The following SH3PXD2B variants were observed in gnomAD, a reference collection of about 807,000 sequenced individuals.
The protein encoded by SH3PXD2B is SH3 and PX domains 2B, also known as SH3 and PX domain-containing protein 2B.
SH3PXD2B carries 37 observed loss-of-function variants against 73.1 expected under a neutral mutation model. The ratio of observed to expected loss-of-function variants is 0.51; its 90% confidence interval spans 0.39 to 0.67. SH3PXD2B has a LOEUF of 0.67. Among genes scored for constraint, SH3PXD2B ranks in the 30% least tolerant of loss-of-function variants. The pLI, the probability that SH3PXD2B is intolerant of heterozygous loss-of-function variation, is 0.00. For synonymous variants in SH3PXD2B, 457 were observed against 480.5 expected, an observed-to-expected ratio of 0.95 and a Z score of 0.64; for missense variants, 1,053 against 1,197.8, an observed-to-expected ratio of 0.88 and a Z score of 1.78.
chr5:172,359,666 G>GA (rs1423618407), intron 7 of SH3PXD2B, among the ~76,000 whole-genome samples: 1 of 152,128 alleles, frequency 6.6e-6, no homozygotes, highest in African/African-American at 2.4e-5. Context: ...TCCCCAATGA[G>GA]AAAGGCCTGC....
intron 1 of SH3PXD2B, among the ~76,000 whole-genome samples, chr5:172,435,334 G>A (rs964721255): frequency 6.6e-6 from 1 of 152,212 alleles, no homozygotes; most frequent in Non-Finnish European, 1.5e-5. Flanking sequence ...TTGTGGATAT[G>A]TCAAAAATTA....
In SH3PXD2B at chr5:172,339,036, C is replaced by T; in HGVS notation, c.2069G>A (p.Gly690Glu). Residue 690 changes from glycine (G) to glutamate (E), a missense_variant, in exon 13 of 13, where the codon GGG becomes GAG. Physicochemically the swap from Gly to Glu is moderately conservative, Grantham distance 98. This residue lies in a region of SH3PXD2B where 587 missense variants were observed against 590.7 expected (regional missense o/e 0.99). Coordinates refer to ENST00000311601, the MANE Select transcript of SH3PXD2B (RefSeq NM_001017995.3). This position sits in a 1 kb window ranked among gnomAD's most constrained non-coding sequence, Gnocchi z 6.1. The part of the protein sequence containing the change: ...LLDGEGPQAV[G>E]GQDVAFSRSF... ...TCGGCTGAAGGCCACGTCTTGGCCC[C>T]CTACTGCCTGGGGGCCCTCCCCATC... 2 of 1,614,198 alleles carry T rather than the reference C, an allele frequency of 1.2e-6. No homozygotes were observed. The highest frequency in any genetic ancestry group is 2.2e-5 in the South Asian group (2 of 91,092).
chr5:172,436,215 C>G (rs983160874), intron 1 of SH3PXD2B, among the ~76,000 whole-genome samples: 5 of 152,252 alleles, frequency 3.3e-5, no homozygotes, highest in Admixed American at 6.5e-5. Flanking sequence ...CTCAGGCCAG[C>G]AGTGAAACTG....
At position 172,338,819 on chromosome 5, in the gene SH3PXD2B, T is replaced by C. The variant is rs758212931; in HGVS notation, c.2286A>G (p.Pro762=). 8 of 1,613,324 alleles carry C rather than the reference T, an allele frequency of 5.0e-6. No homozygotes were observed. Among genetic ancestry groups the C allele is most frequent in the Admixed American group, 1.7e-5 (1 of 59,906 alleles). The change falls in exon 13 of 13, where the codon CCA becomes CCG. Residue 762 remains proline, a synonymous_variant. Transcript: ENST00000311601. The surrounding 1 kb of genome is among the most constrained non-coding windows in gnomAD (Gnocchi z 5.1). The part of the protein sequence containing the change: ...QQRPVVPPRR[P]PPPKKTSSSS... ...ACGAAGAGGTTTTCTTTGGGGGAGG[T>C]GGTCTGCGGGGTGGGACCACAGGTC...
Position 172,337,747 on chromosome 5 carries a change from T to C in SH3PXD2B, c.*622A>G. The C allele has an allele frequency of 3.0e-6, 3 of 994,944 alleles. No homozygotes were observed. The highest frequency in any genetic ancestry group is 3.6e-6 in the Non-Finnish European group (3 of 835,484). 61.6% of individuals were successfully genotyped at this position (994,944 alleles called of 1,614,324 possible). A position where few individuals can be genotyped will look rare whatever the true frequency, so the allele number is the denominator to read the frequency against. On this transcript the variant is annotated 3_prime_UTR_variant, in exon 13 of 13. Transcript: ENST00000311601. ...GGGAGGCAGGGCGGCTGAGCGGATC[T>C]CCAGGCCCACTCCTGGGGGAGCCGC...
Position 172,327,348 on chromosome 5 carries a change from C to G in SH3PXD2B, c.1189-1968G>C, listed in dbSNP as rs186674558. 7.2e-3 allele frequency among the ~76,000 whole-genome samples: 1,104 copies of G among 152,276 alleles called. 5 individuals are homozygous for G. The highest frequency in any genetic ancestry group is 0.02 in the Middle Eastern group (6 of 294). Reference sequence around the variant, plus strand: ...CGTTTTCGAAAGGTAAAATGCATGTCAGAGCCAGAACTCAAACCCAGGTCT... The same window carrying G: ...CGTTTTCGAAAGGTAAAATGCATGTGAGAGCCAGAACTCAAACCCAGGTCT... On this transcript the variant is annotated intron_variant, in intron 12 of 12. Transcript: ENST00000519643.
Position 172,335,932 on chromosome 5 carries a change from A to G in SH3PXD2B, c.*2437T>C. On this transcript the variant is annotated 3_prime_UTR_variant, in exon 13 of 13. Coordinates refer to ENST00000311601, the MANE Select transcript of SH3PXD2B (RefSeq NM_001017995.3). ...ATGTCAGAATAATCATCATCATCATAGCAAAAGAGAATGGCAGATTCTTTC... is the reference window on the plus strand; with the variant it reads ...ATGTCAGAATAATCATCATCATCATGGCAAAAGAGAATGGCAGATTCTTTC... 2.6e-6 allele frequency: 3 copies of G among 1,160,898 alleles called. No individual in the cohort carries two copies. The highest frequency in any genetic ancestry group is 3.2e-6 in the Non-Finnish European group (3 of 943,636). The allele number at this position is 1,160,898 out of a possible 1,614,324, so 71.9% of individuals were successfully genotyped here.
At chr5:172,433,569 T>G (rs1759301781) in intron 1 of SH3PXD2B, among the ~76,000 whole-genome samples, 1 of 152,186 alleles carries the variant, frequency 6.6e-6, no homozygotes, top group Non-Finnish European at 1.5e-5. Flanking sequence ...TTACCCTGGC[T>G]CAGTCCTAGG....
At chr5:172,416,741 C>T (rs1758836230) in intron 2 of SH3PXD2B, among the ~76,000 whole-genome samples, 1 of 105,644 alleles carries the variant, frequency 9.5e-6, no homozygotes. Context: ...TAGGGTCTTG[C>T]TCTGTTGCCT....
chr5:172,368,630 A>ATGTTATATATATAAC (rs1554137059), intron 6 of SH3PXD2B, among the ~76,000 whole-genome samples: 1 of 11,554 alleles, frequency 8.7e-5, no homozygotes, highest in Non-Finnish European at 1.2e-4. Flanking sequence ...ATATATATAT[A>ATGTTATATATATAAC]ATATATATGT....
chr5:172,435,884 CTG>C (rs1211542313), intron 1 of SH3PXD2B, among the ~76,000 whole-genome samples: 7 of 152,168 alleles, frequency 4.6e-5, no homozygotes, highest in African/African-American at 1.7e-4. Context: ...CTTGCAGGGG[CTG>C]TGAGAAAGCA....
rs1554087686 is a variant in SH3PXD2B at position 172,439,690 on chromosome 5, G to GTGCACA, written c.75+14587_75+14588insTGTGCA. On this transcript the variant is annotated intron_variant, in intron 1 of 12. Transcript: ENST00000311601. ...TGTGTGCGTGCGTGCGCGCACGCGC[G>GTGCACA]CGCACACACACACACACACACACAC... Among the ~76,000 whole-genome samples the GTGCACA allele has an allele frequency of 2.9e-4, 33 of 113,232 alleles. No homozygotes were observed. In the East Asian group the frequency reaches 3.9e-3, roughly 13 times the overall value. 74.3% of individuals were successfully genotyped at this position (113,232 alleles called of 152,430 possible).
intron 1 of SH3PXD2B, among the ~76,000 whole-genome samples, chr5:172,432,521 C>G (rs763864590): frequency 6.6e-6 from 1 of 152,180 alleles, no homozygotes; most frequent in Non-Finnish European, 1.5e-5. Flanking sequence ...CCGCTCTGCA[C>G]GTGCCCATGT....
intron 4 of SH3PXD2B, among the ~76,000 whole-genome samples, chr5:172,392,098 A>G (rs1339252626): frequency 6.7e-6 from 1 of 148,968 alleles, no homozygotes; most frequent in Non-Finnish European, 1.5e-5. Flanking sequence ...TTTGCTCTCC[A>G]CCCCCTATTT....
At chr5:172,439,724 A>G (rs1163649100) in intron 1 of SH3PXD2B, among the ~76,000 whole-genome samples, 4 of 149,722 alleles carry the variant, frequency 2.7e-5, no homozygotes, top group Non-Finnish European at 5.9e-5. Flanking sequence ...ACACACACAC[A>G]CACACACAGC....
chr5:172,376,395 C>T (rs1158730977), intron 5 of SH3PXD2B, among the ~76,000 whole-genome samples: 1 of 152,150 alleles, frequency 6.6e-6, no homozygotes, highest in East Asian at 1.9e-4. Flanking sequence ...TTCACTGTAG[C>T]TTGGATTTGC....
At chr5:172,374,266 G>C (rs1260727033) in intron 5 of SH3PXD2B, among the ~76,000 whole-genome samples, 2 of 152,194 alleles carry the variant, frequency 1.3e-5, no homozygotes, top group African/African-American at 4.8e-5. Flanking sequence ...CAGAAGTTTG[G>C]ACAGCAGTGA....
rs140243608 is a variant in SH3PXD2B at position 172,401,729 on chromosome 5, G to C, written c.232+4548C>G. ...AATTAATACTTTTATAATTTCTTAC[G>C]CCTGTCTTTACTGCAATCTCTGAAC... On this transcript the variant is annotated intron_variant, in intron 3 of 12. Transcript: ENST00000311601. 9.2e-3 allele frequency among the ~76,000 whole-genome samples: 1,401 copies of C among 152,220 alleles called. 20 individuals are homozygous for C. Among genetic ancestry groups the C allele is most frequent in the African/African-American group, 0.031 (1,287 of 41,526 alleles).
In SH3PXD2B at chr5:172,398,340, T is replaced by A. The variant is rs371218661; in HGVS notation, c.233-3701A>T. 1.1e-4 allele frequency among the ~76,000 whole-genome samples: 16 copies of A among 152,362 alleles called. No individual in the cohort carries two copies. The South Asian group carries it at 3.1e-3, about 30-fold the overall frequency. On this transcript the variant is annotated intron_variant, in intron 3 of 12. Transcript: ENST00000311601. ...TTGCTTTTACTGTACCATCTATCAA[T>A]AGTCAGGAGCCTGCAGTTCATTATC... is the stretch of plus-strand genomic sequence containing the variant.
Sources: allele counts gnomAD v4.1 joint callset (sites outside exome capture counted in the v4.1 genomes callset), GRCh38; gene constraint gnomAD v4.1.1; regional missense constraint gnomAD v4.1.1; non-coding constraint Gnocchi (gnomAD v3.1); transcripts MANE v1.5; gene names NCBI Gene and HGNC (gene_info 2026-07-23, HGNC 2026-07-21).